The following SMAD4 variants were observed in gnomAD, a reference collection of about 807,000 sequenced individuals.
SMAD4 encodes the protein SMAD family member 4, also known as MAD homolog 4.
In SMAD4, 7 loss-of-function variants were observed where a neutral mutation model predicts 63.2. That is an observed-to-expected ratio of 0.11 (90% CI 0.06 to 0.21). The LOEUF is 0.21. Ranked by LOEUF, SMAD4 falls within the 10% of genes least tolerant of loss-of-function variation. SMAD4 has a pLI of 1.00. For synonymous variants in SMAD4, 215 were observed against 235.4 expected (o/e 0.91, Z 0.79); for missense variants, 312 against 693.8 (o/e 0.45, Z 6.18).
At chr18:51,055,064 T>C in intron 5 of SMAD4, 71 bp downstream of exon 5, 19 of 1,134,862 alleles carry the variant, frequency 1.7e-5, no homozygotes, top group Non-Finnish European at 2.4e-5. Context: ...GTGTAGTCAC[T>C]TGGGGGGAAA....
intron 11 of SMAD4, among the ~76,000 whole-genome samples, chr18:51,077,615 T>C (rs370663448): frequency 5.3e-5 from 8 of 152,278 alleles, no homozygotes; most frequent in African/African-American, 1.4e-4. Flanking sequence ...AGAGGTAGAT[T>C]AGGCATATTC....
chr18:51,037,288 A>G (rs1195889226), intron 1 of SMAD4, among the ~76,000 whole-genome samples: 1 of 152,248 alleles, frequency 6.6e-6, no homozygotes, highest in Non-Finnish European at 1.5e-5. Context: ...AGTATGGTCC[A>G]CAGACTCCTG....
Position 51,058,390 on chromosome 18 carries a change from T to C in SMAD4, c.838T>C (p.Leu280=). The part of the protein sequence containing the change: ...GSRTAPYTPN[L]PHHQNGHLQH... Reference sequence around the variant, plus strand: ...TAGGACTGCACCATACACACCTAATTTGCCTCACCACCAAAACGGCCATCT... The same window carrying C: ...TAGGACTGCACCATACACACCTAATCTGCCTCACCACCAAAACGGCCATCT... The change falls in exon 7 of 12, where the codon TTG becomes CTG. Residue 280 remains leucine, a synonymous_variant. Transcript: ENST00000342988. 1 of 1,613,956 alleles carries C rather than the reference T, an allele frequency of 6.2e-7. No homozygotes were observed. Among genetic ancestry groups the C allele is most frequent in the Non-Finnish European group, 8.5e-7 (1 of 1,180,020 alleles).
chr18:51,059,127 C>A (rs1207774725), intron 7 of SMAD4, among the ~76,000 whole-genome samples: 2 of 152,168 alleles, frequency 1.3e-5, no homozygotes, highest in Admixed American at 1.3e-4. Context: ...TCCTTCCAGT[C>A]ATATAAACAG....
chr18:51,054,331 A>T (rs1485916464), intron 4 of SMAD4: 1 of 184,668 alleles, frequency 5.4e-6, no homozygotes, highest in Admixed American at 5.4e-5. Flanking sequence ...GATCCCACTC[A>T]TATCTCCACA....
At chr18:51,069,006 G>A (rs565114197) in intron 10 of SMAD4, among the ~76,000 whole-genome samples, 1 of 152,250 alleles carries the variant, frequency 6.6e-6, no homozygotes, top group African/African-American at 2.4e-5. Flanking sequence ...TTGTTTATAT[G>A]TACCCATAAG....
In SMAD4 at chr18:51,035,998, A is replaced by G. The variant is rs974342934; in HGVS notation, c.-128+5375A>G. ...CTTATCCTTACTGCTTTATTTATCT[A>G]TTTTTTAGAGACAGGTTGCCCAGGA... On this transcript the variant is annotated intron_variant, in intron 1 of 11. Transcript: ENST00000342988. Among the ~76,000 whole-genome samples the G allele has an allele frequency of 9.9e-5, 15 of 152,032 alleles. No individual in the cohort carries two copies. In the East Asian group the frequency reaches 1.4e-3, roughly 14 times the overall value.
At chr18:51,044,272 G>A (rs1419676464) in intron 1 of SMAD4, among the ~76,000 whole-genome samples, 1 of 152,018 alleles carries the variant, frequency 6.6e-6, no homozygotes, top group Non-Finnish European at 1.5e-5. Flanking sequence ...AGCCTCCTGA[G>A]GAGCTGGGAC....
intron 10 of SMAD4, among the ~76,000 whole-genome samples, chr18:51,071,275 C>CACACAT (rs1235096744): frequency 6.6e-6 from 1 of 152,034 alleles, no homozygotes; most frequent in Admixed American, 6.5e-5. Flanking sequence ...TACACACACA[C>CACACAT]ACACATACAC....
chr18:51,055,370 G>A (rs1909815944), intron 5 of SMAD4, among the ~76,000 whole-genome samples: 1 of 152,002 alleles, frequency 6.6e-6, no homozygotes, highest in African/African-American at 2.4e-5. Context: ...TTCTTATTTT[G>A]GTTTTTCTGG....
chr18:51,032,316 G>C (rs1428460462), intron 1 of SMAD4, among the ~76,000 whole-genome samples: 1 of 151,580 alleles, frequency 6.6e-6, no homozygotes, highest in African/African-American at 2.4e-5. Context: ...TTTCTGTTTA[G>C]GTCACTGCCT....
At chr18:51,071,823 C>T (rs1031397434) in intron 10 of SMAD4, among the ~76,000 whole-genome samples, 1 of 152,196 alleles carries the variant, frequency 6.6e-6, no homozygotes, top group Non-Finnish European at 1.5e-5. Context: ...ATTCTACGCT[C>T]TTTGTAGATT....
chr18:51,035,062 T>C (rs895347027), intron 1 of SMAD4, among the ~76,000 whole-genome samples: 2 of 152,336 alleles, frequency 1.3e-5, no homozygotes, highest in Admixed American at 6.5e-5. Context: ...GTTACACACA[T>C]GTACAGTGTA....
intron 8 of SMAD4, among the ~76,000 whole-genome samples, chr18:51,064,893 A>G (rs901321645): frequency 2.6e-5 from 4 of 152,166 alleles, no homozygotes; most frequent in Non-Finnish European, 5.9e-5. Flanking sequence ...TGACTTGCTT[A>G]TGCACTTTCT....
In SMAD4 at chr18:51,082,270, A is replaced by G. The variant is rs1910628694; in HGVS notation, c.*3803A>G. 8.7e-6 allele frequency: 2 copies of G among 229,396 alleles called. No individual in the cohort carries two copies. Among genetic ancestry groups the G allele is most frequent in the Non-Finnish European group, 1.7e-5 (2 of 115,760 alleles). The allele number at this position is 229,396 out of a possible 1,614,324, so 14.2% of individuals were successfully genotyped here. A position where few individuals can be genotyped will look rare whatever the true frequency, so the allele number is the denominator to read the frequency against. ...CATCTTGTTGCAGATAGCTATCTAA[A>G]TAATCTCATATCCTCTTTTGCAAAG... On this transcript the variant is annotated 3_prime_UTR_variant, in exon 12 of 12. Transcript: ENST00000342988.
intron 1 of SMAD4, among the ~76,000 whole-genome samples, chr18:51,032,150 G>A (rs1034327560): frequency 6.6e-6 from 1 of 152,130 alleles, no homozygotes; most frequent in Non-Finnish European, 1.5e-5. Context: ...TTAAGTTGTT[G>A]GAATTAAAAC....
In SMAD4 at chr18:51,080,151, A is replaced by C. The variant is rs146563723; in HGVS notation, c.*1684A>C. The C allele has an allele frequency of 4.3e-6, 1 of 232,558 alleles. No homozygotes were observed. Among genetic ancestry groups the C allele is most frequent in the East Asian group, 6.1e-5 (1 of 16,406 alleles). 14.4% of individuals were successfully genotyped at this position (232,558 alleles called of 1,614,324 possible). ...CACTTGTGTGATGATAGTCCTCCTT[A>C]TATCACCTGGAATGAACACAGCTTC... is the stretch of plus-strand genomic sequence containing the variant. On this transcript the variant is annotated 3_prime_UTR_variant, in exon 12 of 12. Transcript: ENST00000342988.
chr18:51,072,789 T>C (rs1910352589), intron 10 of SMAD4, among the ~76,000 whole-genome samples: 1 of 152,216 alleles, frequency 6.6e-6, no homozygotes, highest in Non-Finnish European at 1.5e-5. Flanking sequence ...AAATATTTTT[T>C]GGATCTGAGC....
chr18:51,039,771 G>T (rs1016389287), intron 1 of SMAD4, among the ~76,000 whole-genome samples: 1 of 151,760 alleles, frequency 6.6e-6, no homozygotes. Flanking sequence ...ATCCAAAAAG[G>T]GTAATTTTTA....
Sources: allele counts gnomAD v4.1 joint callset (sites outside exome capture counted in the v4.1 genomes callset), GRCh38; gene constraint gnomAD v4.1.1; transcripts MANE v1.5; gene names NCBI Gene and HGNC (gene_info 2026-07-23, HGNC 2026-07-21).